Variants in SOBP observed in about 807,000 individuals in gnomAD.
The protein encoded by SOBP is sine oculis-binding protein homolog.
SOBP carries 4 observed loss-of-function variants against 53.6 expected under a neutral mutation model. The ratio of observed to expected loss-of-function variants is 0.07; its 90% CI spans 0.04 to 0.17. The LOEUF is 0.17. Among genes scored for constraint, SOBP ranks in the 10% least tolerant of loss-of-function variants. The pLI is 1.00. For synonymous variants in SOBP, 584 were observed against 522.6 expected (o/e 1.12, Z -1.60); for missense variants, 1,088 against 1,204.7 (o/e 0.90, Z 1.43).
intron 4 of SOBP, among the ~76,000 whole-genome samples, chr6:107,558,526 C>T (rs1784683288): frequency 6.6e-6 from 1 of 152,030 alleles, no homozygotes; most frequent in Non-Finnish European, 1.5e-5. Flanking sequence ...CCTCGGCCTC[C>T]CAAAGTGCTG....
At chr6:107,533,080 T>C (rs1427500095) in intron 3 of SOBP, among the ~76,000 whole-genome samples, 1 of 151,976 alleles carries the variant, frequency 6.6e-6, no homozygotes, top group Non-Finnish European at 1.5e-5. Context: ...GTGCAGATCC[T>C]GCAGGCTTTC....
intron 4 of SOBP, among the ~76,000 whole-genome samples, chr6:107,580,985 G>A (rs147330856): frequency 1.1e-4 from 16 of 152,314 alleles, no homozygotes; most frequent in African/African-American, 3.8e-4. Flanking sequence ...TCCAGCGATA[G>A]CGTTAAAGGA....
intron 4 of SOBP, among the ~76,000 whole-genome samples, chr6:107,575,540 G>A (rs1027378175): frequency 2.0e-5 from 3 of 152,114 alleles, no homozygotes; most frequent in Admixed American, 6.5e-5. Flanking sequence ...TTGGTAGCTA[G>A]AAAGGTTCAG....
intron 5 of SOBP, among the ~76,000 whole-genome samples, chr6:107,612,595 A>G (rs1472565908): frequency 6.6e-6 from 1 of 152,118 alleles, no homozygotes; most frequent in South Asian, 2.1e-4. Context: ...ATTTTTTTTT[A>G]ATGTTGTAGT....
intron 5 of SOBP, among the ~76,000 whole-genome samples, chr6:107,611,149 C>T (rs1786581627): frequency 6.6e-6 from 1 of 152,224 alleles, no homozygotes; most frequent in South Asian, 2.1e-4. Flanking sequence ...GCCCCAGTTC[C>T]CTCTTCACTA....
At chr6:107,505,237 CT>C (rs1782949495) in intron 2 of SOBP, among the ~76,000 whole-genome samples, 1 of 152,110 alleles carries the variant, frequency 6.6e-6, no homozygotes, top group Admixed American at 6.5e-5. Flanking sequence ...ACGTTTTAGG[CT>C]TTCCCCTGGT....
At chr6:107,618,977 G>A (rs1474854288) in intron 5 of SOBP, among the ~76,000 whole-genome samples, 1 of 152,216 alleles carries the variant, frequency 6.6e-6, no homozygotes, top group Non-Finnish European at 1.5e-5. Flanking sequence ...AAGCTGATTA[G>A]AGGTGAGCAG....
At chr6:107,530,040 TGTA>T (rs1338146072) in intron 3 of SOBP, among the ~76,000 whole-genome samples, 1 of 152,222 alleles carries the variant, frequency 6.6e-6, no homozygotes, top group Non-Finnish European at 1.5e-5. Flanking sequence ...TTACATTTGT[TGTA>T]TTGTTTATTA....
intron 4 of SOBP, chr6:107,558,124 G>A (rs1331867100): frequency 6.6e-6 from 1 of 152,028 alleles, no homozygotes; most frequent in African/African-American, 2.4e-5. Flanking sequence ...TTGATTTTTA[G>A]TCTTTTCATT....
At chr6:107,629,287 A>G (rs1320666311) in intron 5 of SOBP, among the ~76,000 whole-genome samples, 2 of 149,312 alleles carry the variant, frequency 1.3e-5, no homozygotes, top group Non-Finnish European at 3.0e-5. Context: ...TTGCCCAGTT[A>G]AAGATTTCAG....
chr6:107,652,420 A>G (rs2114253773), intron 6 of SOBP, among the ~76,000 whole-genome samples: 1 of 152,360 alleles, frequency 6.6e-6, no homozygotes, highest in Non-Finnish European at 1.5e-5. Flanking sequence ...ATGTGGCTGA[A>G]TTGCTGCAAT....
At chr6:107,546,767 A>G (rs1784313259) in intron 4 of SOBP, among the ~76,000 whole-genome samples, 1 of 152,270 alleles carries the variant, frequency 6.6e-6, no homozygotes, top group Non-Finnish European at 1.5e-5. Context: ...ATTTGATACA[A>G]ACCTAAATAA....
intron 1 of SOBP, among the ~76,000 whole-genome samples, chr6:107,492,915 C>T (rs1782613590): frequency 6.6e-6 from 1 of 152,080 alleles, no homozygotes; most frequent in Admixed American, 6.5e-5. Context: ...TCAAGTATAC[C>T]ATGCCTGAGA....
At chr6:107,564,114 C>A (rs955983513) in intron 4 of SOBP, among the ~76,000 whole-genome samples, 2 of 152,174 alleles carry the variant, frequency 1.3e-5, no homozygotes, top group East Asian at 1.9e-4. Context: ...GTGAATGTGA[C>A]AATGCACACC....
At chr6:107,516,156 A>T (rs1783314076) in intron 3 of SOBP, among the ~76,000 whole-genome samples, 1 of 152,170 alleles carries the variant, frequency 6.6e-6, no homozygotes, top group Admixed American at 6.6e-5. Context: ...TGATATCAAG[A>T]ATGAGATTAA....
chr6:107,496,446 A>G (rs746236581), intron 1 of SOBP, among the ~76,000 whole-genome samples: 1 of 152,224 alleles, frequency 6.6e-6, no homozygotes, highest in Admixed American at 6.5e-5. Flanking sequence ...GCAGAACCAC[A>G]TGATTTTGGT....
intron 4 of SOBP, among the ~76,000 whole-genome samples, chr6:107,548,477 C>T (rs966298784): frequency 6.6e-5 from 10 of 152,000 alleles, no homozygotes; most frequent in Non-Finnish European, 7.4e-5. Context: ...CTCCTGACCT[C>T]GTGATGCGCC....
At chr6:107,652,550 A>T (rs975558540) in intron 6 of SOBP, among the ~76,000 whole-genome samples, 1 of 152,234 alleles carries the variant, frequency 6.6e-6, no homozygotes, top group East Asian at 1.9e-4. Flanking sequence ...AATTACAACA[A>T]AGGATTTAGA....
chr6:107,490,623 G>A lies in SOBP; in HGVS notation c.7G>A (p.Glu3Lys). Residue 3 changes from glutamate (E) to lysine (K), a missense_variant, in exon 1 of 7, where the codon GAA (glutamate) becomes AAA (lysine). By Grantham distance (56) the Glu-to-Lys change is moderately conservative (BLOSUM62 1). Coordinates refer to ENST00000317357, the MANE Select transcript of SOBP (RefSeq NM_018013.4). Reference sequence around the variant, plus strand: ...AGAAACCAGACACAAAAACATGGCAGAAATGGAGAAAGAAGGGAGACCTCC... The same window carrying A: ...AGAAACCAGACACAAAAACATGGCAAAAATGGAGAAAGAAGGGAGACCTCC... Reference protein sequence around the residue: MAEMEKEGRPPEN... With the variant: MAKMEKEGRPPEN... 1 of 1,603,668 alleles carries A rather than the reference G, an allele frequency of 6.2e-7. No homozygotes were observed. The highest frequency in any genetic ancestry group is 8.5e-7 in the Non-Finnish European group (1 of 1,174,500).
Sources: allele counts gnomAD v4.1 joint callset (sites outside exome capture counted in the v4.1 genomes callset), GRCh38; gene constraint gnomAD v4.1.1; transcripts MANE v1.5; gene names NCBI Gene and HGNC (gene_info 2026-07-23, HGNC 2026-07-21).